ACOT9: variants seen among roughly 807,000 people sequenced by gnomAD.
ACOT9 encodes the protein acyl-coenzyme A thioesterase 9, mitochondrial.
Under a neutral mutation model 39.7 loss-of-function variants are expected in ACOT9, and 34 were observed. That is an observed-to-expected ratio of 0.86 (90% CI 0.65 to 1.14). The LOEUF (loss-of-function observed/expected upper bound fraction) is 1.14, where lower values mean the gene tolerates loss of function less well. Among genes scored for constraint, ACOT9 ranks in the 50% most tolerant of loss-of-function variants. ACOT9 has a pLI of 0.00. For missense variants in ACOT9, 313 were observed against 344.1 expected, an observed-to-expected ratio of 0.91 and a Z score of 0.71; for synonymous variants, 110 against 120.5, an observed-to-expected ratio of 0.91 and a Z score of 0.57.
intron 1 of ACOT9, among the ~76,000 whole-genome samples, chrX:23,740,067 T>C (rs917345396): frequency 2.2e-4 from 24 of 110,674 alleles, no homozygotes; most frequent in Non-Finnish European, 4.5e-4. Context: ...ATAATAAATC[T>C]ATATCATACT....
rs1377012657 is a variant in ACOT9, at chrX:23,721,919, C to T, written c.550G>A (p.Gly184Arg). The change falls in exon 8 of 16, where the codon GGG (glycine) becomes AGG (arginine). Residue 184 changes from glycine (G) to arginine (R), a missense_variant. Transcript: ENST00000379303. ...ATCTTCACTTCCATGGATGTCTTCCCGACCCAGCTAACATGGCCACTGAAC... is the reference window on the plus strand; with the variant it reads ...ATCTTCACTTCCATGGATGTCTTCCTGACCCAGCTAACATGGCCACTGAAC... ...IKFSGHVSWV[G>R]KTSMEVKMQM... is the part of the protein sequence containing the mutation. The T allele has an allele frequency of 8.3e-7, 1 of 1,211,039 alleles. No homozygotes were observed. The highest frequency in any genetic ancestry group is 1.8e-5 in the South Asian group (1 of 56,910).
intron 8 of ACOT9, among the ~76,000 whole-genome samples, chrX:23,719,785 G>C (rs1174685911): frequency 9.0e-6 from 1 of 111,614 alleles, no homozygotes; most frequent in African/African-American, 3.3e-5. Context: ...GTAGCCCATG[G>C]CCCGGGGGTT....
At chrX:23,708,082 C>T (rs1928762083) in intron 9 of ACOT9, 138 bp from the exon 10 acceptor site, 3 of 481,221 alleles carry the variant, frequency 6.2e-6, no homozygotes, top group African/African-American at 2.4e-5. Flanking sequence ...TACATGTGAA[C>T]GCTGGAACAA....
At chrX:23,729,777 G>A (rs186246146) in intron 6 of ACOT9, among the ~76,000 whole-genome samples, 1,401 of 110,707 alleles carry the variant, frequency 0.013, 25 homozygotes, top group African/African-American at 0.044. Flanking sequence ...GACTACAGGC[G>A]TATGCCACCA....
chrX:23,727,242 T>C (rs1391177093), intron 6 of ACOT9, among the ~76,000 whole-genome samples: 2 of 111,676 alleles, frequency 1.8e-5, no homozygotes, highest in Admixed American at 9.6e-5. Context: ...CTTGAAGAAA[T>C]AGAAGGAATA....
Position 23,703,791 on chromosome X carries a change from TG to T in ACOT9, c.*102del. The T allele has an allele frequency of 1.6e-6, 1 of 626,251 alleles. No homozygotes were observed. The highest frequency in any genetic ancestry group is 2.6e-6 in the Non-Finnish European group (1 of 389,015). 51.6% of individuals were successfully genotyped at this position (626,251 alleles called of 1,213,427 possible). A position where few individuals can be genotyped will look rare whatever the true frequency, so the allele number is the denominator to read the frequency against. On this transcript the variant is annotated 3_prime_UTR_variant, in exon 16 of 16. Transcript: ENST00000379303. ...AGGCTGAATACATCCTCCTCCTGTG[TG>T]GAGGACACGAAGCAATACTAAAATC...
chrX:23,722,008 G>A (rs1176829532), intron 7 of ACOT9, 24 bp from the exon 8 acceptor site: 1 of 1,100,344 alleles, frequency 9.1e-7, no homozygotes, highest in Non-Finnish European at 1.2e-6. Context: ...GTCAATCAGG[G>A]TCCAAGTCAT....
At position 23,705,090 on chromosome X, in the gene ACOT9, G is replaced by A; in HGVS notation, c.1020-10C>T. The A allele has an allele frequency of 1.7e-6, 2 of 1,201,133 alleles. No homozygotes were observed. Among genetic ancestry groups the A allele is most frequent in the South Asian group, 1.8e-5 (1 of 55,436 alleles). On this transcript the variant is annotated splice_polypyrimidine_tract_variant and intron_variant, in intron 13 of 15. Transcript: ENST00000379303. ...AAACGGTCGAGAACCACTGTTGGGG[G>A]AAAGGACAGAATTTGGGGTATATTG...
Position 23,730,963 on chromosome X carries a change from T to G in ACOT9, c.215A>C (p.Glu72Ala). The change falls in exon 5 of 16, where the codon GAA becomes GCA. Residue 72 changes from glutamate to alanine, a missense_variant. By Grantham distance (107) the Glu-to-Ala change is moderately radical (BLOSUM62 -1). Coordinates refer to ENST00000379303, the MANE Select transcript of ACOT9 (RefSeq NM_001037171.2). ...NWRDHVKAMEERKLLHSFLAK... is the reference protein window; with the variant it reads ...NWRDHVKAMEARKLLHSFLAK... ...CAAGAAACTATGAAGTAATTTCCTT[T>G]CTTCCATTGCCTTCACATGGTCTCT... 1.7e-6 allele frequency: 2 copies of G among 1,210,070 alleles called. No individual in the cohort carries two copies. Among genetic ancestry groups the G allele is most frequent in the Non-Finnish European group, 2.2e-6 (2 of 894,613 alleles).
At chrX:23,740,405 C>A (rs1380606453) in intron 1 of ACOT9, among the ~76,000 whole-genome samples, 1 of 110,985 alleles carries the variant, frequency 9.0e-6, no homozygotes, top group African/African-American at 3.3e-5. Flanking sequence ...CCGCGCCTGG[C>A]ATGTAATGGT....
chrX:23,705,113 T>C (rs368637923), intron 13 of ACOT9, 33 bp from the exon 14 acceptor site: 31 of 1,136,608 alleles, frequency 2.7e-5, no homozygotes, highest in African/African-American at 1.3e-4. Context: ...TTGGGGTATA[T>C]TGCAAAATTC....
At chrX:23,738,811 C>T (rs1396658494) in intron 1 of ACOT9, among the ~76,000 whole-genome samples, 1 of 111,881 alleles carries the variant, frequency 8.9e-6, no homozygotes, top group African/African-American at 3.2e-5. Context: ...ACCCTGAATA[C>T]GCATCACTAA....
chrX:23,739,075 T>C (rs907904307), intron 1 of ACOT9, among the ~76,000 whole-genome samples: 20 of 111,405 alleles, frequency 1.8e-4, no homozygotes, highest in Non-Finnish European at 3.4e-4. Flanking sequence ...CTGGCCAATA[T>C]GGTGAAACCC....
At chrX:23,741,391 AC>A (rs2146864948) in intron 1 of ACOT9, among the ~76,000 whole-genome samples, 1 of 109,406 alleles carries the variant, frequency 9.1e-6, no homozygotes, top group South Asian at 4.0e-4. Context: ...TCCATGGCCT[AC>A]CTGGGGAGTC....
At chrX:23,729,973 T>A (rs1055914619) in intron 6 of ACOT9, among the ~76,000 whole-genome samples, 1 of 111,395 alleles carries the variant, frequency 9.0e-6, no homozygotes, top group African/African-American at 3.3e-5. Context: ...TTTCTGTAAG[T>A]TTAAGACTTT....
intron 6 of ACOT9, among the ~76,000 whole-genome samples, chrX:23,723,949 G>A (rs746715131): frequency 3.6e-5 from 4 of 112,351 alleles, no homozygotes; most frequent in Non-Finnish European, 7.5e-5. Context: ...ATAGGTAAGC[G>A]TGGTGTACTA....
At chrX:23,729,789 G>A (rs1197234324) in intron 6 of ACOT9, among the ~76,000 whole-genome samples, 1 of 110,516 alleles carries the variant, frequency 9.0e-6, no homozygotes, top group African/African-American at 3.3e-5. Context: ...ATGCCACCAC[G>A]CCTGGCTAAT....
At chrX:23,716,519 T>C (rs1381951108) in intron 8 of ACOT9, among the ~76,000 whole-genome samples, 1 of 111,705 alleles carries the variant, frequency 9.0e-6, no homozygotes, top group Non-Finnish European at 1.9e-5. Context: ...GAATACCCAC[T>C]AGTGCCAAGC....
intron 8 of ACOT9, among the ~76,000 whole-genome samples, chrX:23,716,979 G>A (rs1054369933): frequency 2.7e-5 from 3 of 111,330 alleles, no homozygotes; most frequent in Non-Finnish European, 3.8e-5. Context: ...CTCAGCCTCC[G>A]CAGTAGCTGG....
Sources: gnomAD v4.1 joint callset for allele counts (sites outside exome capture counted in the v4.1 genomes callset) on GRCh38, gnomAD v4.1.1 for gene constraint, MANE v1.5 for transcripts, NCBI Gene and HGNC (gene_info 2026-07-23, HGNC 2026-07-21) for gene names.